CCDC159: variants seen among roughly 807,000 people sequenced by gnomAD.
CCDC159 encodes the protein coiled-coil domain containing 159.
Under a neutral mutation model 50.9 loss-of-function variants are expected in CCDC159, and 40 were observed. That is an observed-to-expected ratio of 0.79 (90% confidence interval 0.61 to 1.02). The LOEUF is 1.02. CCDC159 is among the 50% of genes least tolerant of loss of function. CCDC159 has a pLI of 0.00. For missense variants in CCDC159, 356 were observed against 371.5 expected, an observed-to-expected ratio of 0.96 and a Z score of 0.34; for synonymous variants, 146 against 138.9, an observed-to-expected ratio of 1.05 and a Z score of -0.36.
intron 2 of CCDC159, 67 bp downstream of exon 2, chr19:11,349,754 C>T: frequency 7.4e-7 from 1 of 1,347,674 alleles, no homozygotes. Context: ...CTACCCTCTG[C>T]CCCAGCATCA....
intron 5 of CCDC159, chr19:11,351,634 G>T: frequency 2.7e-6 from 1 of 376,562 alleles, no homozygotes; most frequent in South Asian, 3.4e-5. Context: ...CAGGAGACTG[G>T]GGGTATAGAA....
intron 9 of CCDC159, among the ~76,000 whole-genome samples, chr19:11,354,214 C>CA (rs970477162): frequency 3.3e-5 from 5 of 151,694 alleles, no homozygotes; most frequent in South Asian, 2.1e-4. Context: ...CCCATCTCTC[C>CA]AAAAAATTTA....
chr19:11,349,886 G>C, intron 2 of CCDC159, 52 bp from the exon 3 acceptor site: 1 of 1,557,330 alleles, frequency 6.4e-7, no homozygotes, highest in African/African-American at 1.4e-5. Flanking sequence ...CCCTGCCCTT[G>C]CCCCAGACCC....
Position 11,350,148 on chromosome 19 carries a change from A to T in CCDC159, c.175A>T (p.Met59Leu). Residue 59 changes from methionine to leucine, a missense_variant, in exon 4 of 11, where the codon ATG becomes TTG. By Grantham distance (15) the Met-to-Leu change is conservative. Transcript: ENST00000458408. ...CGAGTTCCTGAACCACTCAGTGACC[A>T]TGTTGGAGAAGGAGAGCTGCTTGCA... ...AFEFLNHSVT[M>L]LEKESCLQQI... is the part of the protein sequence containing the mutation. The T allele has an allele frequency of 6.2e-7, 1 of 1,613,316 alleles. No homozygotes were observed.
chr19:11,350,761 G>A (rs1401773334), intron 4 of CCDC159, 47 bp from the exon 5 acceptor site: 3 of 1,491,926 alleles, frequency 2.0e-6, no homozygotes, highest in East Asian at 2.5e-5. Flanking sequence ...GACAAGCTGG[G>A]TTCAGGGTGG....
At chr19:11,347,795 C>G (rs1967339274) in intron 1 of CCDC159, among the ~76,000 whole-genome samples, 2 of 152,312 alleles carry the variant, frequency 1.3e-5, no homozygotes, top group South Asian at 4.1e-4. Context: ...CAGACCTGCC[C>G]CAGATATCTC....
chr19:11,347,667 C>G (rs970806856), intron 1 of CCDC159, among the ~76,000 whole-genome samples: 4 of 152,080 alleles, frequency 2.6e-5, no homozygotes, highest in Non-Finnish European at 4.4e-5. Context: ...TCTTCCAGGT[C>G]GACTGAATCA....
chr19:11,347,222 A>G (rs1292430440), intron 1 of CCDC159, among the ~76,000 whole-genome samples: 1 of 152,166 alleles, frequency 6.6e-6, no homozygotes, highest in Non-Finnish European at 1.5e-5. Context: ...GGGTGTGAAG[A>G]TCCAGTGAAT....
rs747585878 is a variant in CCDC159 at position 11,349,966 on chromosome 19, C to A, written c.84C>A (p.Ser28=). ...KAKTIVMIPD[S]QKLLRCELES... is the part of the protein sequence containing the mutation. ...AGACCATTGTGATGATTCCCGACTCCCAGAAGCTCCTGCGATGTGAACTTG... is the reference window on the plus strand; with the variant it reads ...AGACCATTGTGATGATTCCCGACTCACAGAAGCTCCTGCGATGTGAACTTG... The change falls in exon 3 of 11, where the codon TCC becomes TCA. Residue 28 remains serine, a synonymous_variant. Transcript: ENST00000458408. The A allele has an allele frequency of 6.2e-7, 1 of 1,613,890 alleles. No individual in the cohort carries two copies. Among genetic ancestry groups the A allele is most frequent in the Non-Finnish European group, 8.5e-7 (1 of 1,179,860 alleles).
chr19:11,353,421 C>T, intron 7 of CCDC159, 30 bp from the exon 8 acceptor site: 1 of 1,544,650 alleles, frequency 6.5e-7, no homozygotes, highest in Non-Finnish European at 8.8e-7. Context: ...ATTATTATGA[C>T]TGCTGTTCTC....
intron 7 of CCDC159, 46 bp from the exon 8 acceptor site, chr19:11,353,405 G>A: frequency 6.5e-6 from 10 of 1,530,796 alleles, no homozygotes; most frequent in Admixed American, 2.0e-5. Flanking sequence ...TGGCACTATT[G>A]TCATTATTAT....
rs764532178 is a variant in CCDC159, at chr19:11,350,932, T to C, written c.351T>C (p.Arg117=). Residue 117 remains arginine (R), a synonymous_variant, in exon 5 of 11, where the codon CGT becomes CGC. Transcript: ENST00000458408. ...TTCAGGGGCTGGAGAAGACCCTGCG[T>C]GACAGTGAGGAGATGCAGCGGGCCC... is the stretch of plus-strand genomic sequence containing the variant. The part of the protein sequence containing the change: ...QGLQGLEKTL[R]DSEEMQRART... The C allele has an allele frequency of 1.8e-4, 279 of 1,554,146 alleles. 1 individual carries two copies. The Middle Eastern group carries it at 4.5e-3, about 25-fold the overall frequency.
intron 7 of CCDC159, among the ~76,000 whole-genome samples, chr19:11,352,955 A>G (rs976566971): frequency 1.3e-5 from 2 of 151,936 alleles, no homozygotes; most frequent in African/African-American, 4.8e-5. Context: ...CACCAAAAAC[A>G]AAAACAAAAA....
In CCDC159 at chr19:11,353,779, T is replaced by C; in HGVS notation, c.690-13T>C. 4.4e-6 allele frequency: 7 copies of C among 1,588,416 alleles called. No individual in the cohort carries two copies. Among genetic ancestry groups the C allele is most frequent in the Non-Finnish European group, 5.1e-6 (6 of 1,167,404 alleles). Reference sequence around the variant, plus strand: ...GAGTCTCCCAGCGCCCCCAGCTCCTTGTCTTCTTGCAGGTCTGCTGTGCAC... The same window carrying C: ...GAGTCTCCCAGCGCCCCCAGCTCCTCGTCTTCTTGCAGGTCTGCTGTGCAC... On this transcript the variant is annotated splice_polypyrimidine_tract_variant and intron_variant, in intron 8 of 10. Transcript: ENST00000458408.
At chr19:11,348,241 C>T (rs1342899466) in intron 1 of CCDC159, 1 of 437,878 alleles carries the variant, frequency 2.3e-6, no homozygotes, top group Non-Finnish European at 4.5e-6. Context: ...CTTCTGGGTC[C>T]TTCTCACTGC....
intron 5 of CCDC159, 90 bp from the exon 6 acceptor site, chr19:11,351,816 G>A (rs778806684): frequency 1.7e-6 from 2 of 1,149,134 alleles, no homozygotes; most frequent in Non-Finnish European, 2.5e-6. Flanking sequence ...AGGGGACAGA[G>A]CTTGCGGGGA....
At position 11,352,130 on chromosome 19, in the gene CCDC159, CAA is replaced by C. The variant is rs768950618; in HGVS notation, c.566_567del (p.Lys189AsnfsTer11). ...KMQKTQVKCR[K>X]ILTKMKQQGH... ...TGCAGAAAACGCAGGTGAAATGCCG[CAA>C]AGTGAGTGGAGGAGATGGGGACCCT... On this transcript the variant is annotated frameshift_variant and splice_region_variant, in exon 7 of 11. Transcript: ENST00000458408. LOFTEE classifies it high-confidence loss of function. The C allele has an allele frequency of 1.2e-6, 2 of 1,613,190 alleles. No homozygotes were observed. The highest frequency in any genetic ancestry group is 1.7e-6 in the Non-Finnish European group (2 of 1,179,784).
At position 11,349,082 on chromosome 19, in the gene CCDC159, G is replaced by A. The variant is rs374100598; in HGVS notation, c.22-572G>A. The A allele has an allele frequency of 3.3e-5, 44 of 1,346,986 alleles. No homozygotes were observed. The African/African-American group carries it at 6.5e-4, about 20-fold the overall frequency. 83.4% of individuals were successfully genotyped at this position (1,346,986 alleles called of 1,614,324 possible). A position where few individuals can be genotyped will look rare whatever the true frequency, so the allele number is the denominator to read the frequency against. ...AGTGAGGACTGCAGACTGCAGGCCAGGGTGGGGCTCAGGGCCTTCGCCACA... is the reference window on the plus strand; with the variant it reads ...AGTGAGGACTGCAGACTGCAGGCCAAGGTGGGGCTCAGGGCCTTCGCCACA... On this transcript the variant is annotated intron_variant, in intron 1 of 10. Coordinates refer to ENST00000458408, the MANE Select transcript of CCDC159 (RefSeq NM_001080503.3).
intron 7 of CCDC159, among the ~76,000 whole-genome samples, chr19:11,353,172 C>T (rs755111701): frequency 4.6e-5 from 7 of 152,116 alleles, no homozygotes; most frequent in Non-Finnish European, 1.0e-4. Context: ...GCGATCTCAA[C>T]TCACTGCAAC....
Sources: allele counts gnomAD v4.1 joint callset (sites outside exome capture counted in the v4.1 genomes callset), GRCh38; gene constraint gnomAD v4.1.1; transcripts MANE v1.5; gene names NCBI Gene and HGNC (gene_info 2026-07-23, HGNC 2026-07-21).